The following FRMPD1 variants were observed in gnomAD, a reference collection of about 807,000 sequenced individuals.
FRMPD1 encodes FERM and PDZ domain-containing protein 1.
Under a neutral mutation model 117.8 loss-of-function variants are expected in FRMPD1, and 76 were observed. The ratio of observed to expected loss-of-function variants is 0.65; its 90% CI spans 0.54 to 0.78. The LOEUF is 0.78. FRMPD1 is among the 30% of genes least tolerant of loss of function. The pLI, the probability that FRMPD1 is intolerant of heterozygous loss-of-function variation, is 0.00. For synonymous variants in FRMPD1, 783 were observed against 770.4 expected, an observed-to-expected ratio of 1.02 and a Z score of -0.27; for missense variants, 1,786 against 1,964.5, an observed-to-expected ratio of 0.91 and a Z score of 1.72.
the FRMPD1 span, among the ~76,000 whole-genome samples, chr9:37,638,551 T>C: frequency 1.3e-5 from 2 of 152,186 alleles, no homozygotes; most frequent in African/African-American, 4.8e-5. Context: ...TAAACAACTT[T>C]TGTTTATGTA....
chr9:37,637,883 G>A, the FRMPD1 span, among the ~76,000 whole-genome samples: 1 of 151,988 alleles, frequency 6.6e-6, no homozygotes, highest in Admixed American at 6.6e-5. Context: ...AGAGAGAAAA[G>A]AGATCACTGA....
At position 37,740,784 on chromosome 9, in the gene FRMPD1, A is replaced by G. The variant is rs1267006525; in HGVS notation, c.2256A>G (p.Glu752=). 1.2e-6 allele frequency: 2 copies of G among 1,613,816 alleles called. No individual in the cohort carries two copies. The highest frequency in any genetic ancestry group is 2.7e-5 in the African/African-American group (2 of 74,886). ...WTEAQPSSML[E]PLALHPPLAF... ...AGGCCCAGCCCAGTTCCATGCTGGA[A>G]CCCCTGGCCCTGCACCCACCACTGG... The change falls in exon 15 of 16, where the codon GAA becomes GAG. Residue 752 remains glutamate (E), a synonymous_variant. Coordinates refer to ENST00000377765, the MANE Select transcript of FRMPD1 (RefSeq NM_014907.3). The surrounding 1 kb of genome is among the most constrained non-coding windows in gnomAD (Gnocchi z 4.2).
chr9:37,654,332 A>C (rs893437286), intron 1 of FRMPD1, among the ~76,000 whole-genome samples: 1 of 152,206 alleles, frequency 6.6e-6, no homozygotes, highest in Non-Finnish European at 1.5e-5. Context: ...TGAGAGCCAC[A>C]GGAGAGAGGG....
At chr9:37,722,322 GA>G (rs1421829590) in intron 6 of FRMPD1, among the ~76,000 whole-genome samples, 1 of 151,822 alleles carries the variant, frequency 6.6e-6, no homozygotes, top group African/African-American at 2.4e-5. Context: ...AAAAAAAAGA[GA>G]GAGATGATTG....
At chr9:37,717,317 A>ATGTG (rs1204426463) in intron 5 of FRMPD1, among the ~76,000 whole-genome samples, 14 of 137,798 alleles carry the variant, frequency 1.0e-4, no homozygotes, top group African/African-American at 3.6e-4. Flanking sequence ...ATATATATGT[A>ATGTG]TGTGTGTGTG....
rs560625472 is a variant in FRMPD1, at chr9:37,678,887, T to G, written c.-4-13751T>G. On this transcript the variant is annotated intron_variant, in intron 1 of 15. Coordinates refer to ENST00000377765, the MANE Select transcript of FRMPD1 (RefSeq NM_014907.3). ...GGGCCCAGAATAGCCCCAGATAGAC[T>G]GCACTTGGCCTGGGCCCTTAGCTTT... Among the ~76,000 whole-genome samples, 12 of 152,368 alleles carry G rather than the reference T, an allele frequency of 7.9e-5. No individual in the cohort carries two copies. The East Asian group carries it at 2.1e-3, about 27-fold the overall frequency.
At chr9:37,693,996 G>A (rs989248842) in intron 2 of FRMPD1, among the ~76,000 whole-genome samples, 2 of 152,104 alleles carry the variant, frequency 1.3e-5, no homozygotes, top group African/African-American at 4.8e-5. Flanking sequence ...TCAACTTTTC[G>A]AGCCCATTCA....
intron 12 of FRMPD1, among the ~76,000 whole-genome samples, chr9:37,735,219 T>C (rs1824064501): frequency 6.6e-6 from 1 of 152,208 alleles, no homozygotes; most frequent in Non-Finnish European, 1.5e-5. Context: ...CAGTAGGTTT[T>C]GATGTAAGCT....
chr9:37,619,746 A>G, the FRMPD1 span, among the ~76,000 whole-genome samples: 1 of 151,426 alleles, frequency 6.6e-6, no homozygotes, highest in African/African-American at 2.4e-5. Context: ...CGACACAGCG[A>G]GACTCCAGCT....
intron 2 of FRMPD1, among the ~76,000 whole-genome samples, chr9:37,697,519 A>G (rs968513470): frequency 6.6e-6 from 1 of 152,008 alleles, no homozygotes; most frequent in Non-Finnish European, 1.5e-5. Flanking sequence ...GTGAGCCGAG[A>G]TAGCGCCACT....
At position 37,729,823 on chromosome 9, in the gene FRMPD1, C is replaced by A. The variant is rs779366853; in HGVS notation, c.708C>A (p.His236Gln). 6.2e-7 allele frequency: 1 copy of A among 1,613,994 alleles called. No homozygotes were observed. Reference sequence around the variant, plus strand: ...AGCAGTACAGCATCTCCCGGCTGCACCTGCTGCACGAAGAGGAACTCATCC... The same window carrying A: ...AGCAGTACAGCATCTCCCGGCTGCAACTGCTGCACGAAGAGGAACTCATCC... Reference protein sequence around the residue: ...LEEQYSISRLHLLHEEELIQQ... With the variant: ...LEEQYSISRLQLLHEEELIQQ... The change falls in exon 8 of 16, where the codon CAC (histidine) becomes CAA (glutamine). Residue 236 changes from histidine (H) to glutamine (Q), a missense_variant. Physicochemically the swap from His to Gln is conservative, Grantham distance 24. Coordinates refer to ENST00000377765, the MANE Select transcript of FRMPD1 (RefSeq NM_014907.3).
chr9:37,730,942 A>G, intron 8 of FRMPD1, 42 bp from the exon 9 acceptor site: 1 of 1,608,754 alleles, frequency 6.2e-7, no homozygotes, highest in South Asian at 1.1e-5. Context: ...GCAAGGACAA[A>G]GGCAGTTAGG....
Position 37,745,431 on chromosome 9 carries a change from A to G in FRMPD1, c.3399A>G (p.Ser1133=), listed in dbSNP as rs770516002. 1.2e-6 allele frequency: 2 copies of G among 1,613,970 alleles called. No individual in the cohort carries two copies. The highest frequency in any genetic ancestry group is 1.7e-5 in the Admixed American group (1 of 60,018). The change falls in exon 16 of 16, where the codon TCA becomes TCG. Residue 1133 remains serine (S), a synonymous_variant. Transcript: ENST00000377765. The part of the protein sequence containing the change: ...NVFQEESRKD[S]GDSPGDVSNN... ...TTCAGGAGGAGTCTAGGAAGGATTCAGGTGACTCCCCGGGTGATGTGTCAA... is the reference window on the plus strand; with the variant it reads ...TTCAGGAGGAGTCTAGGAAGGATTCGGGTGACTCCCCGGGTGATGTGTCAA...
the FRMPD1 span, chr9:37,637,343 T>G: frequency 1.1e-6 from 1 of 888,392 alleles, no homozygotes; most frequent in East Asian, 2.4e-5. Flanking sequence ...CTGCTCCGCC[T>G]CCCGTTCCAA....
chr9:37,633,367 T>C, the FRMPD1 span, among the ~76,000 whole-genome samples: 7 of 152,252 alleles, frequency 4.6e-5, no homozygotes, highest in Non-Finnish European at 8.8e-5. Flanking sequence ...CTAATGCATA[T>C]AGTTAAATTT....
At chr9:37,647,428 C>A (rs911968252), upstream of FRMPD1, among the ~76,000 whole-genome samples, 3 of 149,778 alleles carry the variant, frequency 2.0e-5, no homozygotes, top group East Asian at 5.9e-4. Flanking sequence ...AGGAGAATGG[C>A]GTGAACCCAG....
chr9:37,672,349 G>T (rs1370776425), intron 1 of FRMPD1, among the ~76,000 whole-genome samples: 1 of 152,068 alleles, frequency 6.6e-6, no homozygotes, highest in Non-Finnish European at 1.5e-5. Flanking sequence ...AACCTCCTGG[G>T]AAGTGGAGAG....
chr9:37,615,505 G>A, the FRMPD1 span, among the ~76,000 whole-genome samples: 1 of 152,122 alleles, frequency 6.6e-6, no homozygotes, highest in South Asian at 2.1e-4. Flanking sequence ...AAGTGGTCCC[G>A]GTCTGAGAAC....
rs1389689879 is a variant in FRMPD1, at chr9:37,745,792, C to T, written c.3760C>T (p.Pro1254Ser). 1 of 1,614,110 alleles carries T rather than the reference C, an allele frequency of 6.2e-7. No individual in the cohort carries two copies. The highest frequency in any genetic ancestry group is 8.5e-7 in the Non-Finnish European group (1 of 1,179,964). ...SPEWVCFNPE[P>S]SLPEPLPCPQ... ...TGAGTGGGTCTGTTTTAATCCTGAG[C>T]CTTCCCTGCCAGAACCACTACCATG... Residue 1254 changes from proline (P) to serine (S), a missense_variant, in exon 16 of 16, where the codon CCT (proline) becomes TCT (serine). By Grantham distance (74) the Pro-to-Ser change is moderately conservative. Transcript: ENST00000377765.
Sources: gnomAD v4.1 joint callset for allele counts (sites outside exome capture counted in the v4.1 genomes callset) on GRCh38, gnomAD v4.1.1 for gene constraint, Gnocchi (gnomAD v3.1) non-coding constraint, MANE v1.5 for transcripts, NCBI Gene and HGNC (gene_info 2026-07-23, HGNC 2026-07-21) for gene names.